CYFIP1: variants seen among roughly 807,000 people sequenced by gnomAD.
CYFIP1 encodes cytoplasmic FMR1 interacting protein 1.
CYFIP1 carries 58 observed loss-of-function variants against 163.5 expected under a neutral mutation model. The ratio of observed to expected loss-of-function variants is 0.35; its 90% CI spans 0.29 to 0.44. The LOEUF (loss-of-function observed/expected upper bound fraction) is 0.44, where lower values mean the gene tolerates loss of function less well. CYFIP1 is among the 20% of genes least tolerant of loss of function. CYFIP1 has a pLI of 1.00. For missense variants in CYFIP1, 1,338 were observed against 1,653.8 expected, an observed-to-expected ratio of 0.81 and a Z score of 3.31; for synonymous variants, 663 against 660.7, an observed-to-expected ratio of 1.00 and a Z score of -0.05.
At chr15:22,876,506 G>A (rs367718685) in intron 26 of CYFIP1, among the ~76,000 whole-genome samples, 7 of 151,844 alleles carry the variant, frequency 4.6e-5, no homozygotes, top group Non-Finnish European at 8.8e-5. Flanking sequence ...ATGAGTCCTG[G>A]GATGGACATA....
At chr15:22,962,984 T>C (rs1317737670) in intron 1 of CYFIP1, among the ~76,000 whole-genome samples, 1 of 152,138 alleles carries the variant, frequency 6.6e-6, no homozygotes, top group Non-Finnish European at 1.5e-5. Context: ...TACACATGAA[T>C]ACCTGGGCAA....
At chr15:22,926,310 C>G (rs1834379794) in intron 12 of CYFIP1, among the ~76,000 whole-genome samples, 1 of 152,164 alleles carries the variant, frequency 6.6e-6, no homozygotes, top group African/African-American at 2.4e-5. Flanking sequence ...TTTAAAAAAT[C>G]TACCCGGCAA....
At chr15:22,915,837 A>AG (rs1262107106) in intron 16 of CYFIP1, among the ~76,000 whole-genome samples, 10 of 152,208 alleles carry the variant, frequency 6.6e-5, no homozygotes, top group African/African-American at 2.4e-4. Context: ...AGGCACACTC[A>AG]GGGAGGTCTG....
chr15:22,932,065 CTAA>C (rs1230347264), intron 11 of CYFIP1, among the ~76,000 whole-genome samples, 155 bp downstream of exon 11: 1 of 152,196 alleles, frequency 6.6e-6, no homozygotes, highest in East Asian at 1.9e-4. Context: ...ATGAAACTGC[CTAA>C]TGACACATTT....
At chr15:22,962,014 T>C (rs2062697586) in intron 1 of CYFIP1, among the ~76,000 whole-genome samples, 2 of 152,192 alleles carry the variant, frequency 1.3e-5, no homozygotes, top group Admixed American at 1.3e-4. Flanking sequence ...TTTCTAATCA[T>C]AGCCCCAGTT....
intron 16 of CYFIP1, 147 bp downstream of exon 16, chr15:22,916,330 A>T: frequency 1.5e-6 from 1 of 658,186 alleles, no homozygotes; most frequent in Non-Finnish European, 2.6e-6. Flanking sequence ...AGGGACGTAC[A>T]GCCACCGCCA....
At chr15:22,928,197 C>T (rs1405855864) in intron 11 of CYFIP1, among the ~76,000 whole-genome samples, 169 bp from the exon 12 acceptor site, 4 of 152,046 alleles carry the variant, frequency 2.6e-5, no homozygotes, top group African/African-American at 4.8e-5. Flanking sequence ...CATCCTAAAA[C>T]GGTGAAACCC....
At chr15:22,952,653 C>A (rs2062293236) in intron 1 of CYFIP1, among the ~76,000 whole-genome samples, 2 of 2,108 alleles carry the variant, frequency 9.5e-4, no homozygotes, top group Non-Finnish European at 7.9e-4. Flanking sequence ...AGGTGAGACT[C>A]CATCTCAAAA....
At chr15:22,879,571 G>A (rs1375607813) in intron 26 of CYFIP1, among the ~76,000 whole-genome samples, 4 of 152,084 alleles carry the variant, frequency 2.6e-5, no homozygotes, top group African/African-American at 4.8e-5. Flanking sequence ...ACTGCTCAGC[G>A]GCCTCAGGCA....
intron 22 of CYFIP1, among the ~76,000 whole-genome samples, chr15:22,895,988 C>A (rs985935256): frequency 6.6e-6 from 1 of 152,136 alleles, no homozygotes. Context: ...TGACTATAAT[C>A]GTATTAGGGC....
At chr15:22,877,714 G>A (rs1017879357) in intron 26 of CYFIP1, among the ~76,000 whole-genome samples, 1 of 152,190 alleles carries the variant, frequency 6.6e-6, no homozygotes, top group Non-Finnish European at 1.5e-5. Flanking sequence ...GGGAGGAGAT[G>A]CTACTTGGGG....
At position 22,868,467 on chromosome 15, in the gene CYFIP1, T is replaced by G. The variant is rs1217721262; in HGVS notation, c.*1561A>C. On this transcript the variant is annotated 3_prime_UTR_variant, in exon 31 of 31. Transcript: ENST00000617928. ...AAGCCTTATAAAACTTGGTAATTGA[T>G]TAAGTTTTACCATAATTTTTCATCC... The G allele has an allele frequency of 6.6e-6, 1 of 151,938 alleles. No individual in the cohort carries two copies. The highest frequency in any genetic ancestry group is 2.4e-5 in the African/African-American group (1 of 41,184). The allele number at this position is 151,938 out of a possible 1,614,324, so 9.4% of individuals were successfully genotyped here.
chr15:22,980,754 G>A (rs2063459998), upstream of CYFIP1, among the ~76,000 whole-genome samples: 1 of 152,110 alleles, frequency 6.6e-6, no homozygotes, highest in Non-Finnish European at 1.5e-5. Context: ...GGACACCCAG[G>A]ACGCCCGTGT....
chr15:22,919,705 C>T (rs567569905), intron 13 of CYFIP1, among the ~76,000 whole-genome samples: 25 of 152,290 alleles, frequency 1.6e-4, no homozygotes, highest in Non-Finnish European at 2.9e-4. Context: ...GTACCTAAGA[C>T]TAATACATTT....
rs998013159 is a variant in CYFIP1 at position 22,904,013 on chromosome 15, C to T, written c.2389-108G>A. 2.3e-5 allele frequency: 23 copies of T among 1,002,274 alleles called. 1 individual carries two copies. The highest frequency in any genetic ancestry group is 7.8e-5 in the East Asian group (3 of 38,432). 62.1% of individuals were successfully genotyped at this position (1,002,274 alleles called of 1,614,324 possible). A position where few individuals can be genotyped will look rare whatever the true frequency, so the allele number is the denominator to read the frequency against. On this transcript the variant is annotated intron_variant, in intron 21 of 30. Coordinates refer to ENST00000617928, the MANE Select transcript of CYFIP1 (RefSeq NM_014608.6). ...CCTCACAGTCCCTGGCAGGGCTGCACGGAGGCAGCCCCCAGTGAGCGTAGG... is the reference window on the plus strand; with the variant it reads ...CCTCACAGTCCCTGGCAGGGCTGCATGGAGGCAGCCCCCAGTGAGCGTAGG...
intron 11 of CYFIP1, among the ~76,000 whole-genome samples, chr15:22,929,768 T>C (rs1238854437): frequency 6.9e-6 from 1 of 144,230 alleles, no homozygotes; most frequent in African/African-American, 2.6e-5. Flanking sequence ...ACCCCATCTC[T>C]ACTAAAAATA....
In CYFIP1 at chr15:22,894,414, C is replaced by T. The variant is rs374255187; in HGVS notation, c.2589-1437G>A. On this transcript the variant is annotated intron_variant, in intron 22 of 30. Coordinates refer to ENST00000617928, the MANE Select transcript of CYFIP1 (RefSeq NM_014608.6). ...AAACGATTCTCCTGCCTCAGCCTCC[C>T]GAGTAGCTGGGATTACAGGCATGTG... is the stretch of plus-strand genomic sequence containing the variant. 2.6e-3 allele frequency among the ~76,000 whole-genome samples: 386 copies of T among 151,232 alleles called. 1 individual carries two copies. Among genetic ancestry groups the T allele is most frequent in the African/African-American group, 8.9e-3 (367 of 41,164 alleles).
intron 1 of CYFIP1, among the ~76,000 whole-genome samples, chr15:22,980,002 C>T (rs1280865250): frequency 1.3e-5 from 2 of 151,784 alleles, no homozygotes; most frequent in African/African-American, 4.8e-5. Flanking sequence ...GCGGGGAGCT[C>T]GGGGCCGAGG....
chr15:22,874,975 A>C (rs1566912875), intron 27 of CYFIP1, among the ~76,000 whole-genome samples: 2 of 152,124 alleles, frequency 1.3e-5, no homozygotes, highest in African/African-American at 4.8e-5. Context: ...CCCTGCTCCC[A>C]TGCTATTGAT....
Sources: allele counts gnomAD v4.1 joint callset (sites outside exome capture counted in the v4.1 genomes callset), GRCh38; gene constraint gnomAD v4.1.1; transcripts MANE v1.5; gene names NCBI Gene and HGNC (gene_info 2026-07-23, HGNC 2026-07-21).